The following IPPK variants were observed in gnomAD, a reference collection of about 807,000 sequenced individuals.
IPPK encodes IPK1 homolog.
A neutral mutation model predicts 64.6 loss-of-function variants in IPPK; 22 were observed. The observed-to-expected ratio is 0.34, with a 90% CI of 0.24 to 0.49. IPPK has a LOEUF of 0.49. Ranked by LOEUF, IPPK falls within the 20% of genes least tolerant of loss-of-function variation. The pLI is 0.99. For missense variants in IPPK, 532 were observed against 630.7 expected, an observed-to-expected ratio of 0.84 and a Z score of 1.68; for synonymous variants, 262 against 247.2, an observed-to-expected ratio of 1.06 and a Z score of -0.56.
chr9:92,628,800 C>A (rs900454862), intron 11 of IPPK, among the ~76,000 whole-genome samples: 1 of 152,044 alleles, frequency 6.6e-6, no homozygotes, highest in African/African-American at 2.4e-5. Context: ...TCGCTTGAAC[C>A]CAGGAGGCAG....
At chr9:92,654,246 G>A (rs1274502104) in intron 3 of IPPK, among the ~76,000 whole-genome samples, 1 of 152,228 alleles carries the variant, frequency 6.6e-6, no homozygotes, top group Non-Finnish European at 1.5e-5. Context: ...GCCTGGAGCA[G>A]TGGTTCACAC....
intron 11 of IPPK, among the ~76,000 whole-genome samples, chr9:92,627,296 A>C (rs1172505185): frequency 6.6e-6 from 1 of 152,230 alleles, no homozygotes; most frequent in Non-Finnish European, 1.5e-5. Context: ...AAGAATAATT[A>C]ATACCAATCC....
chr9:92,666,826 A>G (rs1852607712), intron 1 of IPPK, among the ~76,000 whole-genome samples: 1 of 151,616 alleles, frequency 6.6e-6, no homozygotes, highest in Non-Finnish European at 1.5e-5. Flanking sequence ...CTTCCTGCCC[A>G]CCCTGGGCAC....
chr9:92,615,660 G>A lies in IPPK; in HGVS notation c.*172C>T. On this transcript the variant is annotated 3_prime_UTR_variant, in exon 13 of 13. Coordinates refer to ENST00000287996, the MANE Select transcript of IPPK (RefSeq NM_022755.6). ...ACTCACTTCCTACATTCCTTGTCCA[G>A]GAAGTTGTTTCTAGTGCTCTTCAAT... 1 of 587,734 alleles carries A rather than the reference G, an allele frequency of 1.7e-6. No homozygotes were observed. The highest frequency in any genetic ancestry group is 3.0e-6 in the Non-Finnish European group (1 of 330,078). 36.4% of individuals were successfully genotyped at this position (587,734 alleles called of 1,614,324 possible). A position where few individuals can be genotyped will look rare whatever the true frequency, so the allele number is the denominator to read the frequency against.
chr9:92,653,793 G>A (rs867435068), intron 3 of IPPK, among the ~76,000 whole-genome samples: 5 of 152,300 alleles, frequency 3.3e-5, no homozygotes, highest in Middle Eastern at 3.4e-3. Context: ...AGGTTGCAGT[G>A]AGCTGAGATC....
At chr9:92,628,269 T>C (rs914980359) in intron 11 of IPPK, among the ~76,000 whole-genome samples, 7 of 152,198 alleles carry the variant, frequency 4.6e-5, no homozygotes, top group African/African-American at 1.7e-4. Context: ...GACTTACAGA[T>C]TCCTCAAGTC....
intron 12 of IPPK, 101 bp from the exon 13 acceptor site, chr9:92,616,158 G>GT (rs1018436396): frequency 2.4e-6 from 2 of 819,424 alleles, no homozygotes; most frequent in East Asian, 2.7e-5. Context: ...ATGTTTTTAT[G>GT]TTTTTTCTTT....
intron 6 of IPPK, among the ~76,000 whole-genome samples, chr9:92,646,444 AC>A (rs1852151394): frequency 6.6e-6 from 1 of 152,272 alleles, no homozygotes; most frequent in African/African-American, 2.4e-5. Flanking sequence ...GTGGAATGAA[AC>A]TAGAAATCAG....
intron 12 of IPPK, 199 bp downstream of exon 12, chr9:92,619,287 A>G: frequency 3.5e-6 from 2 of 566,178 alleles, no homozygotes; most frequent in Non-Finnish European, 6.3e-6. Context: ...TTCTCCATAA[A>G]TCTGTCTTTT....
rs1053842201 is a variant in IPPK at position 92,614,004 on chromosome 9, G to T, written c.*1828C>A. The T allele has an allele frequency of 6.6e-6, 1 of 152,296 alleles. No homozygotes were observed. Among genetic ancestry groups the T allele is most frequent in the Non-Finnish European group, 1.5e-5 (1 of 68,110 alleles). The allele number at this position is 152,296 out of a possible 1,614,324, so 9.4% of individuals were successfully genotyped here. A position where few individuals can be genotyped will look rare whatever the true frequency, so the allele number is the denominator to read the frequency against. On this transcript the variant is annotated 3_prime_UTR_variant, in exon 13 of 13. Transcript: ENST00000287996. ...CAGCAGTGGCACCCGCGGCTCAGGGGCTCCTCACAGCCCGGGCTGGTGGGA... is the reference window on the plus strand; with the variant it reads ...CAGCAGTGGCACCCGCGGCTCAGGGTCTCCTCACAGCCCGGGCTGGTGGGA...
intron 11 of IPPK, among the ~76,000 whole-genome samples, chr9:92,633,449 C>T (rs1476907480): frequency 6.6e-6 from 1 of 152,190 alleles, no homozygotes; most frequent in Non-Finnish European, 1.5e-5. Flanking sequence ...TCACAGTTCC[C>T]CGCAGCCTTG....
chr9:92,660,527 T>G (rs1280083059), intron 1 of IPPK, among the ~76,000 whole-genome samples: 2 of 152,232 alleles, frequency 1.3e-5, no homozygotes, highest in Admixed American at 6.5e-5. Context: ...ACTCATAAGC[T>G]GCACAATGGA....
chr9:92,644,651 C>T (rs1367476535), intron 6 of IPPK, among the ~76,000 whole-genome samples: 2 of 152,168 alleles, frequency 1.3e-5, no homozygotes, highest in Admixed American at 1.3e-4. Context: ...TGGAAGGAAA[C>T]CCACTAGCTG....
intron 1 of IPPK, among the ~76,000 whole-genome samples, chr9:92,662,552 T>G (rs915016709): frequency 6.6e-6 from 1 of 151,170 alleles, no homozygotes; most frequent in African/African-American, 2.4e-5. Flanking sequence ...GAAAAAGAGT[T>G]AAGATTGGAA....
intron 1 of IPPK, among the ~76,000 whole-genome samples, chr9:92,663,236 C>G (rs183762252): frequency 1.0e-3 from 157 of 152,344 alleles, no homozygotes; most frequent in Non-Finnish European, 1.5e-3. Flanking sequence ...TATAATACCA[C>G]AGTTTCTACC....
rs754751177 is a variant in IPPK, at chr9:92,635,667, C to A, written c.917-359G>T. On this transcript the variant is annotated intron_variant, in intron 9 of 12. Transcript: ENST00000287996. The surrounding 1 kb of genome is among the most constrained non-coding windows in gnomAD (Gnocchi z 4.4). ...AGTCACTTTATGATCTAAGTTTAGACATAATCCTCATTTTAAGTCAGGTCA... is the reference window on the plus strand; with the variant it reads ...AGTCACTTTATGATCTAAGTTTAGAAATAATCCTCATTTTAAGTCAGGTCA... 2.1e-4 allele frequency among the ~76,000 whole-genome samples: 32 copies of A among 152,276 alleles called. No individual in the cohort carries two copies. Among genetic ancestry groups the A allele is most frequent in the Non-Finnish European group, 4.6e-4 (31 of 68,006 alleles).
chr9:92,652,776 T>C, intron 3 of IPPK, 137 bp from the exon 4 acceptor site: 3 of 449,604 alleles, frequency 6.7e-6, no homozygotes, highest in South Asian at 5.1e-5. Context: ...TTAAAGTTTA[T>C]TGCTTAAAAA....
chr9:92,626,785 A>G (rs1239447603), intron 11 of IPPK, among the ~76,000 whole-genome samples: 1 of 152,204 alleles, frequency 6.6e-6, no homozygotes, highest in Non-Finnish European at 1.5e-5. Flanking sequence ...TCAAAAGGAC[A>G]AGAAAGAGGT....
At position 92,638,167 on chromosome 9, in the gene IPPK, C is replaced by G. The variant is rs1851980026; in HGVS notation, c.750G>C (p.Gly250=). ...FFFPSNGLAS[G]PHCTRAVIRE... Reference sequence around the variant, plus strand: ...TGATCACAGCCCTTGTGCAGTGGGGCCCACTGGCCAGGCCGTTGGAAGGGA... The same window carrying G: ...TGATCACAGCCCTTGTGCAGTGGGGGCCACTGGCCAGGCCGTTGGAAGGGA... The change falls in exon 9 of 13, where the codon GGG becomes GGC. Residue 250 remains glycine, a synonymous_variant. Transcript: ENST00000287996. 1 of 1,614,118 alleles carries G rather than the reference C, an allele frequency of 6.2e-7. No individual in the cohort carries two copies. The highest frequency in any genetic ancestry group is 8.5e-7 in the Non-Finnish European group (1 of 1,180,050).
Sources: allele counts gnomAD v4.1 joint callset (sites outside exome capture counted in the v4.1 genomes callset), GRCh38; gene constraint gnomAD v4.1.1; non-coding constraint Gnocchi (gnomAD v3.1); transcripts MANE v1.5; gene names NCBI Gene and HGNC (gene_info 2026-07-23, HGNC 2026-07-21).